PLCG2: variants seen among roughly 807,000 people sequenced by gnomAD.
PLCG2 encodes 1-phosphatidylinositol 4,5-bisphosphate phosphodiesterase gamma-2.
Under a neutral mutation model 175.6 loss-of-function variants are expected in PLCG2, and 69 were observed. The ratio of observed to expected loss-of-function variants is 0.39; its 90% CI spans 0.32 to 0.48. PLCG2 has a LOEUF of 0.48. Among genes scored for constraint, PLCG2 ranks in the 20% least tolerant of loss-of-function variants. The probability of loss-of-function intolerance (pLI) is 0.91; values close to 1 mark genes in which losing one functional copy is unlikely to be tolerated. For synonymous variants in PLCG2, 827 were observed against 624.0 expected (o/e 1.33, Z -4.85); for missense variants, 1,798 against 1,650.9 (o/e 1.09, Z -1.54).
chr16:81,935,505 G>C (rs1196103915), intron 26 of PLCG2: 1 of 984,820 alleles, frequency 1.0e-6, no homozygotes, highest in Admixed American at 6.1e-5. Context: ...TTCTTTGGGT[G>C]TTTTGAGCTG....
intron 2 of PLCG2, among the ~76,000 whole-genome samples, chr16:81,843,176 G>A (rs1429323534): frequency 1.3e-5 from 2 of 152,144 alleles, no homozygotes; most frequent in Admixed American, 6.5e-5. Flanking sequence ...CCTACTTTGA[G>A]AATAAAGTGT....
At chr16:81,809,260 C>G (rs1421697608) in intron 2 of PLCG2, among the ~76,000 whole-genome samples, 3 of 152,236 alleles carry the variant, frequency 2.0e-5, no homozygotes, top group Admixed American at 6.5e-5. Context: ...CTTCTGCTAG[C>G]CTGTGGTGCA....
chr16:81,768,552 GTTTTTT>G (rs769292122), intron 2 of PLCG2, among the ~76,000 whole-genome samples: 1 of 105,424 alleles, frequency 9.5e-6, no homozygotes, highest in African/African-American at 4.1e-5. Context: ...GTTATCCTCA[GTTTTTT>G]TTTTTTTTTT....
rs113870915 is a variant in PLCG2 at position 81,851,384 on chromosome 16, T to C, written c.194-3060T>C. Among the ~76,000 whole-genome samples, 29 of 152,342 alleles carry C rather than the reference T, an allele frequency of 1.9e-4. 1 individual carries two copies. Among genetic ancestry groups the C allele is most frequent in the African/African-American group, 6.7e-4 (28 of 41,578 alleles). Reference sequence around the variant, plus strand: ...TTACATACACTCCGTTTTCTTGTTATTTTGCATTTGTTTTGGTGTGTAGTT... The same window carrying C: ...TTACATACACTCCGTTTTCTTGTTACTTTGCATTTGTTTTGGTGTGTAGTT... On this transcript the variant is annotated intron_variant, in intron 2 of 32. Coordinates refer to ENST00000564138, the MANE Select transcript of PLCG2 (RefSeq NM_002661.5).
intron 1 of PLCG2, among the ~76,000 whole-genome samples, chr16:81,782,242 A>C (rs1027382297): frequency 2.3e-5 from 1 of 43,360 alleles, no homozygotes; most frequent in African/African-American, 9.1e-5. Flanking sequence ...AGATACAAGA[A>C]AAACCTTTAG....
intron 13 of PLCG2, among the ~76,000 whole-genome samples, chr16:81,899,479 C>A (rs983886628): frequency 1.3e-5 from 2 of 152,110 alleles, no homozygotes; most frequent in Non-Finnish European, 2.9e-5. Context: ...ACTCTGAGGT[C>A]ATTCTGAGAC....
At chr16:81,810,392 G>A (rs540345259) in intron 2 of PLCG2, among the ~76,000 whole-genome samples, 17 of 152,300 alleles carry the variant, frequency 1.1e-4, no homozygotes, top group African/African-American at 3.4e-4. Flanking sequence ...CTTGGCCTTC[G>A]TTATTTGCAG....
chr16:81,896,517 A>G, intron 13 of PLCG2, among the ~76,000 whole-genome samples: 1 of 152,054 alleles, frequency 6.6e-6, no homozygotes, highest in Non-Finnish European at 1.5e-5. Flanking sequence ...GGCAGAGGTT[A>G]CAGTGAGGTC....
chr16:81,862,432 C>CA (rs1375071280), intron 5 of PLCG2, among the ~76,000 whole-genome samples: 1 of 152,220 alleles, frequency 6.6e-6, no homozygotes, highest in Admixed American at 6.5e-5. Flanking sequence ...TGCTCTCAGA[C>CA]ACGTTTTCTA....
chr16:81,869,257 T>C lies in PLCG2; in HGVS notation c.523T>C (p.Phe175Leu). Residue 175 changes from phenylalanine to leucine, a missense_variant, in exon 6 of 33, where the codon TTT becomes CTT. Physicochemically the swap from Phe to Leu is conservative, Grantham distance 22 (BLOSUM62 0). Transcript: ENST00000564138. ...ELKTILPLIN[F>L]KVSSAKFLKD... ...GAAGACCATCTTGCCCCTGATCAAC[T>C]TTAAAGTGAGCAGTGCCAAGTTCCT... is the stretch of plus-strand genomic sequence containing the variant. The C allele has an allele frequency of 6.2e-7, 1 of 1,614,052 alleles. No homozygotes were observed. The highest frequency in any genetic ancestry group is 8.5e-7 in the Non-Finnish European group (1 of 1,179,898).
At chr16:81,866,137 G>T (rs1907222127) in intron 5 of PLCG2, among the ~76,000 whole-genome samples, 1 of 126,444 alleles carries the variant, frequency 7.9e-6, no homozygotes, top group African/African-American at 3.3e-5. Flanking sequence ...CCCAGGGTGA[G>T]CTCCAACTGG....
chr16:81,802,681 C>G (rs1483779701), intron 2 of PLCG2, among the ~76,000 whole-genome samples: 1 of 152,052 alleles, frequency 6.6e-6, no homozygotes, highest in Non-Finnish European at 1.5e-5. Flanking sequence ...AAGCAATTCT[C>G]ATGCCTCAGC....
chr16:81,823,406 G>A (rs1485685624), intron 2 of PLCG2, among the ~76,000 whole-genome samples: 2 of 152,116 alleles, frequency 1.3e-5, no homozygotes, highest in Non-Finnish European at 2.9e-5. Context: ...CCCACCCCTC[G>A]CCCCATGAGA....
chr16:81,803,192 C>T (rs1446676937), intron 2 of PLCG2, among the ~76,000 whole-genome samples: 2 of 149,086 alleles, frequency 1.3e-5, no homozygotes, highest in African/African-American at 5.0e-5. Context: ...GATCTCGGCT[C>T]ACTGCAAGCT....
chr16:81,776,853 C>A (rs1305756141), upstream of PLCG2, among the ~76,000 whole-genome samples: 2 of 152,174 alleles, frequency 1.3e-5, no homozygotes, highest in African/African-American at 2.4e-5. Context: ...CTGCACCTGG[C>A]AGATTATTTT....
At chr16:81,798,911 G>C (rs1237064468) in intron 2 of PLCG2, 1 of 152,370 alleles carries the variant, frequency 6.6e-6, no homozygotes, top group Non-Finnish European at 1.5e-5. Context: ...TCTCTCCCCA[G>C]CACTACCAGC....
At chr16:81,886,067 A>T (rs1486252075) in intron 9 of PLCG2, among the ~76,000 whole-genome samples, 3 of 152,216 alleles carry the variant, frequency 2.0e-5, no homozygotes, top group Non-Finnish European at 4.4e-5. Context: ...CCTTCCACTA[A>T]ATTATTCAGT....
In PLCG2 at chr16:81,803,841, C is replaced by A. The variant is rs1035872595; in HGVS notation, c.193+17659C>A. Among the ~76,000 whole-genome samples, 4 of 152,092 alleles carry A rather than the reference C, an allele frequency of 2.6e-5. No individual in the cohort carries two copies. The East Asian group carries it at 5.8e-4, about 22-fold the overall frequency. On this transcript the variant is annotated intron_variant, in intron 2 of 32. Transcript: ENST00000564138. Reference sequence around the variant, plus strand: ...GGATTACAGGCGTGTACCACCACACCTGGCTAAGTTTTGTATTTTTAATAC... The same window carrying A: ...GGATTACAGGCGTGTACCACCACACATGGCTAAGTTTTGTATTTTTAATAC...
At chr16:81,778,059 A>ATAC (rs796944288), upstream of PLCG2, among the ~76,000 whole-genome samples, 3 of 95,760 alleles carry the variant, frequency 3.1e-5, no homozygotes, top group East Asian at 2.6e-4. Context: ...AAAAAACAAA[A>ATAC]AAAACCAAAA....
Sources: allele counts gnomAD v4.1 joint callset (sites outside exome capture counted in the v4.1 genomes callset), GRCh38; gene constraint gnomAD v4.1.1; transcripts MANE v1.5; gene names NCBI Gene and HGNC (gene_info 2026-07-23, HGNC 2026-07-21).